TBCB: variants seen among roughly 807,000 people sequenced by gnomAD.
The protein encoded by TBCB is tubulin-folding cofactor B.
TBCB carries 18 observed loss-of-function variants against 29.2 expected under a neutral mutation model. That is an observed-to-expected ratio of 0.62 (90% CI 0.43 to 0.91). The LOEUF (loss-of-function observed/expected upper bound fraction) is 0.91, where lower values mean the gene tolerates loss of function less well. TBCB is among the 40% of genes least tolerant of loss of function. TBCB has a pLI of 0.00. For synonymous variants in TBCB, 172 were observed against 137.8 expected (o/e 1.25, Z -1.74); for missense variants, 336 against 337.6 (o/e 1.00, Z 0.04).
chr19:36,115,499 C>G lies in TBCB; in HGVS notation c.-62C>G. ...AGCCCAGCAGCAGCAGCGGCGGCGG[C>G]GGCTGCGGAGCGGGTGTGAGGCGGC... On this transcript the variant is annotated 5_prime_UTR_variant, in exon 1 of 6. Transcript: ENST00000221855. 1 of 1,297,718 alleles carries G rather than the reference C, an allele frequency of 7.7e-7. No homozygotes were observed. Among genetic ancestry groups the G allele is most frequent in the African/African-American group, 1.5e-5 (1 of 67,866 alleles). 80.4% of individuals were successfully genotyped at this position (1,297,718 alleles called of 1,614,324 possible).
At chr19:36,120,032 C>A (rs991844267) in intron 2 of TBCB, among the ~76,000 whole-genome samples, 2 of 151,932 alleles carry the variant, frequency 1.3e-5, no homozygotes, top group African/African-American at 4.8e-5. Flanking sequence ...ACCTGCCGTT[C>A]TTGCTCATCT....
intron 2 of TBCB, 35 bp downstream of exon 2, chr19:36,116,219 C>T (rs1310550791): frequency 1.2e-6 from 2 of 1,605,828 alleles, no homozygotes; most frequent in African/African-American, 1.3e-5. Flanking sequence ...TCCCCCACCC[C>T]ACCTTTCATT....
intron 1 of TBCB, 115 bp downstream of exon 1, chr19:36,115,789 G>T (rs1226304497): frequency 8.5e-7 from 1 of 1,170,158 alleles, no homozygotes; most frequent in Non-Finnish European, 1.2e-6. Context: ...GGTGATCCCA[G>T]GCTGCGGAGG....
At chr19:36,122,042 G>A in intron 4 of TBCB, 1 of 443,262 alleles carries the variant, frequency 2.3e-6, no homozygotes, top group Non-Finnish European at 4.1e-6. Flanking sequence ...GACCAAGGCA[G>A]GAGTGAGGGA....
Position 36,121,822 on chromosome 19 carries a change from C to T in TBCB, c.547+104C>T, listed in dbSNP as rs533132349. The T allele has an allele frequency of 9.1e-6, 13 of 1,434,152 alleles. No homozygotes were observed. In the Admixed American group the frequency reaches 1.4e-4, roughly 16 times the overall value. 88.8% of individuals were successfully genotyped at this position (1,434,152 alleles called of 1,614,324 possible). A position where few individuals can be genotyped will look rare whatever the true frequency, so the allele number is the denominator to read the frequency against. ...GGAGACCACGCTCTGCCTAGGGGCG[C>T]GGGGTTGGGGGGGACTCGAAACGAT... On this transcript the variant is annotated intron_variant, in intron 4 of 5. Coordinates refer to ENST00000221855, the MANE Select transcript of TBCB (RefSeq NM_001281.3).
At chr19:36,122,801 T>G (rs1485721397) in intron 4 of TBCB, among the ~76,000 whole-genome samples, 3 of 151,752 alleles carry the variant, frequency 2.0e-5, no homozygotes, top group African/African-American at 7.3e-5. Context: ...TATGTATTGT[T>G]ACATGGGTGT....
At chr19:36,115,260 T>C (rs1051573419), upstream of TBCB, 8 of 529,234 alleles carry the variant, frequency 1.5e-5, no homozygotes, top group African/African-American at 1.6e-4. Flanking sequence ...CACTCCTACC[T>C]CCGGGCTTCA....
At chr19:36,119,096 C>T (rs1416468955) in intron 2 of TBCB, among the ~76,000 whole-genome samples, 2 of 152,098 alleles carry the variant, frequency 1.3e-5, no homozygotes, top group Non-Finnish European at 2.9e-5. Context: ...TCATAACAGG[C>T]GGTTCAGGTA....
At chr19:36,117,952 G>A (rs1040894356) in intron 2 of TBCB, 1 of 151,576 alleles carries the variant, frequency 6.6e-6, no homozygotes, top group African/African-American at 2.4e-5. Flanking sequence ...TTTTAGTAGA[G>A]ACGGGGTTTC....
chr19:36,121,322 C>T (rs1398484231), intron 3 of TBCB, among the ~76,000 whole-genome samples: 3 of 151,778 alleles, frequency 2.0e-5, no homozygotes, highest in Middle Eastern at 3.4e-3. Flanking sequence ...CAGGCGGCAC[C>T]CCTTCCATTT....
intron 4 of TBCB, 31 bp from the exon 5 acceptor site, chr19:36,125,420 A>G: frequency 1.2e-6 from 2 of 1,612,514 alleles, no homozygotes; most frequent in Non-Finnish European, 1.7e-6. Flanking sequence ...TATGTCCAGA[A>G]GCTTCACAGG....
chr19:36,121,409 A>G (rs1974047000), intron 3 of TBCB, 118 bp from the exon 4 acceptor site: 6 of 1,268,508 alleles, frequency 4.7e-6, no homozygotes, highest in Middle Eastern at 2.7e-4. Flanking sequence ...CTTGGGTGAC[A>G]GCCCTTTGTC....
chr19:36,118,288 G>A (rs1423032029), intron 2 of TBCB, among the ~76,000 whole-genome samples: 3 of 152,174 alleles, frequency 2.0e-5, no homozygotes, highest in East Asian at 3.8e-4. Context: ...GGGGAGACAA[G>A]GGTTGTGTAG....
intron 2 of TBCB, among the ~76,000 whole-genome samples, chr19:36,117,609 C>T (rs559178787): frequency 6.6e-6 from 1 of 152,008 alleles, no homozygotes; most frequent in South Asian, 2.1e-4. Flanking sequence ...ACCTCAGCCT[C>T]GCAAAGTGCT....
At chr19:36,115,719 TG>T (rs1290491565) in intron 1 of TBCB, 45 bp downstream of exon 1, 10 of 414,428 alleles carry the variant, frequency 2.4e-5, no homozygotes, top group South Asian at 1.1e-4. Context: ...GCGAAGAAAT[TG>T]GGGGGTTCCC....
chr19:36,119,750 G>A (rs573848407), intron 2 of TBCB, among the ~76,000 whole-genome samples: 245 of 152,096 alleles, frequency 1.6e-3, no homozygotes, highest in Middle Eastern at 3.4e-3. Context: ...AAAATTAGCC[G>A]GGTGTGGTGG....
chr19:36,116,249 T>A, intron 2 of TBCB, 65 bp downstream of exon 2: 1 of 1,585,430 alleles, frequency 6.3e-7, no homozygotes, highest in South Asian at 1.1e-5. Context: ...AACAGACACT[T>A]GCTGGGCTTT....
chr19:36,115,949 C>T (rs1973944450), intron 1 of TBCB, 92 bp from the exon 2 acceptor site: 2 of 1,540,890 alleles, frequency 1.3e-6, no homozygotes, highest in Non-Finnish European at 1.8e-6. Context: ...ACTGGGGGGT[C>T]TTTTGGAGGA....
chr19:36,120,951 G>T lies in TBCB; in HGVS notation c.355+145G>T, dbSNP rs1599864808. The T allele has an allele frequency of 4.1e-6, 3 of 738,816 alleles. No homozygotes were observed. The East Asian group carries it at 8.2e-5, about 20-fold the overall frequency. 45.8% of individuals were successfully genotyped at this position (738,816 alleles called of 1,614,324 possible). On this transcript the variant is annotated intron_variant, in intron 3 of 5. Transcript: ENST00000221855. Reference sequence around the variant, plus strand: ...GAGCTTGGGAGGATATAGGGGTGAGGCTGGGAGTGGGGACAGACGGAGGCC... The same window carrying T: ...GAGCTTGGGAGGATATAGGGGTGAGTCTGGGAGTGGGGACAGACGGAGGCC...
Sources: gnomAD v4.1 joint callset for allele counts (sites outside exome capture counted in the v4.1 genomes callset) on GRCh38, gnomAD v4.1.1 for gene constraint, MANE v1.5 for transcripts, NCBI Gene and HGNC (gene_info 2026-07-23, HGNC 2026-07-21) for gene names.